The following HNF4G variants were observed in gnomAD, a reference collection of about 807,000 sequenced individuals.
HNF4G encodes hepatocyte nuclear factor 4-gamma.
Under a neutral mutation model 50.9 loss-of-function variants are expected in HNF4G, and 21 were observed. That is an observed-to-expected ratio of 0.41 (90% confidence interval 0.29 to 0.59). The LOEUF (loss-of-function observed/expected upper bound fraction) is 0.59. Ranked by LOEUF, HNF4G falls within the 20% of genes least tolerant of loss-of-function variation. The pLI is 0.26. For synonymous variants in HNF4G, 198 were observed against 185.6 expected, an observed-to-expected ratio of 1.07 and a Z score of -0.54; for missense variants, 527 against 559.4, an observed-to-expected ratio of 0.94 and a Z score of 0.58.
chr8:75,461,931 T>TA (rs1485044212), intron 1 of HNF4G, among the ~76,000 whole-genome samples: 11 of 147,568 alleles, frequency 7.5e-5, no homozygotes, highest in Non-Finnish European at 1.5e-4. Context: ...TATATATATT[T>TA]TTTTAGATGG....
At chr8:75,456,503 G>A (rs1811727644) in intron 1 of HNF4G, among the ~76,000 whole-genome samples, 2 of 151,906 alleles carry the variant, frequency 1.3e-5, no homozygotes, top group Non-Finnish European at 1.5e-5. Flanking sequence ...TCATTTCAAG[G>A]TTAAATTTGA....
At position 75,516,952 on chromosome 8, in the gene HNF4G, T is replaced by C. The variant is rs185448242; in HGVS notation, c.-24+26744T>C. 2.5e-3 allele frequency among the ~76,000 whole-genome samples: 376 copies of C among 152,232 alleles called. 10 individuals carry two copies. The highest frequency in any genetic ancestry group is 0.022 in the Admixed American group (334 of 15,276). On this transcript the variant is annotated intron_variant, in intron 2 of 10. Coordinates refer to the HNF4G transcript ENST00000354370. ...GACATACCCAAGACTGGGTAACTTA[T>C]AAAGAAAAGGGGTTTAATGGAATCA...
rs1408757147 is a variant in HNF4G at position 75,418,755 on chromosome 8, TTC to T, written c.-144+10599_-144+10600del. Among the ~76,000 whole-genome samples, 3 of 146,992 alleles carry T rather than the reference TTC, an allele frequency of 2.0e-5. No homozygotes were observed. The East Asian group carries it at 5.9e-4, about 29-fold the overall frequency. The stretch of plus-strand genomic sequence containing the variant: ...TTTTTTTTTTTTTTTGAGATGGAGT[TTC>T]TCTCTTGTTGCCCAGGCTGGAGTGC... On this transcript the variant is annotated intron_variant, in intron 1 of 10. Transcript: ENST00000354370.
intron 1 of HNF4G, among the ~76,000 whole-genome samples, chr8:75,434,587 C>A (rs1482008531): frequency 1.3e-5 from 2 of 151,564 alleles, no homozygotes; most frequent in Non-Finnish European, 2.9e-5. Context: ...AACAATAATA[C>A]AATAGCGAAT....
intron 1 of HNF4G, among the ~76,000 whole-genome samples, chr8:75,453,582 T>A (rs1268312704): frequency 6.6e-6 from 1 of 150,528 alleles, no homozygotes; most frequent in Non-Finnish European, 1.5e-5. Context: ...ATTTTCCTCT[T>A]CACAATAAAT....
chr8:75,517,131 A>G (rs1805909130), intron 2 of HNF4G, among the ~76,000 whole-genome samples: 1 of 152,108 alleles, frequency 6.6e-6, no homozygotes, highest in Non-Finnish European at 1.5e-5. Context: ...ATTCACTATC[A>G]CGAGAATAGC....
intron 1 of HNF4G, among the ~76,000 whole-genome samples, chr8:75,426,431 T>C (rs1169917410): frequency 6.6e-6 from 1 of 152,230 alleles, no homozygotes; most frequent in Non-Finnish European, 1.5e-5. Flanking sequence ...TCTTATAGCA[T>C]AATTTTCTCT....
At chr8:75,548,069 C>T (rs1479484987) in intron 3 of HNF4G, among the ~76,000 whole-genome samples, 1 of 150,930 alleles carries the variant, frequency 6.6e-6, no homozygotes. Context: ...TGGCTCACTG[C>T]AACCTACCAG....
intron 2 of HNF4G, among the ~76,000 whole-genome samples, chr8:75,512,712 C>A (rs928067454): frequency 1.3e-5 from 2 of 152,176 alleles, no homozygotes; most frequent in African/African-American, 4.8e-5. Flanking sequence ...GATCCGCCCG[C>A]CTCCACCTCC....
At chr8:75,517,331 C>T (rs1437246931) in intron 2 of HNF4G, among the ~76,000 whole-genome samples, 2 of 152,108 alleles carry the variant, frequency 1.3e-5, no homozygotes, top group South Asian at 2.1e-4. Context: ...TCAAACAGTC[C>T]CCCAAAGTCT....
Position 75,553,119 on chromosome 8 carries a change from T to A in HNF4G, c.567T>A (p.Ser189=), listed in dbSNP as rs201120200. 1.0e-3 allele frequency: 1,647 copies of A among 1,612,900 alleles called. 25 individuals are homozygous for A. In the South Asian group the frequency reaches 0.013, roughly 12 times the overall value. The change falls in exon 5 of 10, where the codon TCT becomes TCA. Residue 189 remains serine (S), a synonymous_variant. Coordinates refer to ENST00000396423, the MANE Select transcript of HNF4G (RefSeq NM_004133.5). ...KIASIGDVCE[S]MKQQLLVLVE... ...CAAGTATTGGTGATGTCTGTGAATC[T>A]ATGAAACAGCAGCTCTTAGTCTTGG...
chr8:75,434,512 A>G (rs1235048866), intron 1 of HNF4G, among the ~76,000 whole-genome samples: 1 of 152,164 alleles, frequency 6.6e-6, no homozygotes, highest in African/African-American at 2.4e-5. Context: ...GAAACAGAAC[A>G]ACAAAATAAA....
intron 1 of HNF4G, among the ~76,000 whole-genome samples, chr8:75,422,183 A>T (rs1370893859): frequency 6.6e-6 from 1 of 152,184 alleles, no homozygotes; most frequent in Non-Finnish European, 1.5e-5. Flanking sequence ...TTACCTTTAC[A>T]GTGTCTATTT....
chr8:75,560,471 G>C lies in HNF4G; in HGVS notation c.1246+5G>C. ...TGGTTCATGCAGACCAGATCTGTAA[G>C]TTTATAGACTACTTTTCAACCAAGA... On this transcript the variant is annotated splice_donor_5th_base_variant and intron_variant, in intron 9 of 9. Coordinates refer to ENST00000396423, the MANE Select transcript of HNF4G (RefSeq NM_004133.5). 1 of 1,603,008 alleles carries C rather than the reference G, an allele frequency of 6.2e-7. No individual in the cohort carries two copies. Among genetic ancestry groups the C allele is most frequent in the South Asian group, 1.1e-5 (1 of 88,042 alleles).
At chr8:75,468,041 G>A (rs1172845383) in intron 1 of HNF4G, among the ~76,000 whole-genome samples, 1 of 152,148 alleles carries the variant, frequency 6.6e-6, no homozygotes, top group Non-Finnish European at 1.5e-5. Context: ...GCATATGTAT[G>A]TAATGTTCCA....
chr8:75,525,663 T>C, intron 2 of HNF4G, among the ~76,000 whole-genome samples: 1 of 152,152 alleles, frequency 6.6e-6, no homozygotes, highest in Non-Finnish European at 1.5e-5. Context: ...ACACGTACAT[T>C]GTTGTGGCAG....
chr8:75,521,821 TC>T (rs1168766929), intron 2 of HNF4G, among the ~76,000 whole-genome samples: 1 of 152,220 alleles, frequency 6.6e-6, no homozygotes, highest in Admixed American at 6.5e-5. Flanking sequence ...ATTGCATGTC[TC>T]TTTTAAAGTT....
At position 75,498,456 on chromosome 8, in the gene HNF4G, A is replaced by C. The variant is rs1812837042; in HGVS notation, c.-24+8248A>C. Among the ~76,000 whole-genome samples, 3 of 152,312 alleles carry C rather than the reference A, an allele frequency of 2.0e-5. No individual in the cohort carries two copies. The South Asian group carries it at 6.2e-4, about 32-fold the overall frequency. ...AACAAGTCCAGGATTATATGACTTC[A>C]CTGGTGAATTCGAGCAAGTATTTAA... On this transcript the variant is annotated intron_variant, in intron 2 of 10. Transcript: ENST00000354370.
chr8:75,543,220 A>G (rs569447148), intron 1 of HNF4G, among the ~76,000 whole-genome samples: 39 of 152,242 alleles, frequency 2.6e-4, no homozygotes, highest in African/African-American at 8.7e-4. Context: ...AATTAAGTAA[A>G]TAAATAAATA....
Sources: gnomAD v4.1 joint callset for allele counts (sites outside exome capture counted in the v4.1 genomes callset) on GRCh38, gnomAD v4.1.1 for gene constraint, MANE v1.5 for transcripts, NCBI Gene and HGNC (gene_info 2026-07-23, HGNC 2026-07-21) for gene names.